Variants in MAST4 observed in about 807,000 individuals in gnomAD.
MAST4 encodes microtubule-associated serine/threonine-protein kinase 4.
MAST4 carries 89 observed loss-of-function variants against 162.7 expected under a neutral mutation model. The observed-to-expected ratio is 0.55, with a 90% CI of 0.46 to 0.65. The LOEUF (loss-of-function observed/expected upper bound fraction) is 0.65. Ranked by LOEUF, MAST4 falls within the 30% of genes least tolerant of loss-of-function variation. The pLI, the probability that MAST4 is intolerant of heterozygous loss-of-function variation, is 0.00. For missense variants in MAST4, 3,153 were observed against 3,374.0 expected, an observed-to-expected ratio of 0.93 and a Z score of 1.62; for synonymous variants, 1,479 against 1,361.1, an observed-to-expected ratio of 1.09 and a Z score of -1.91.
chr5:67,131,817 A>G lies in MAST4; in HGVS notation c.1959A>G (p.Gly653=). The change falls in exon 16 of 29, where the codon GGA becomes GGG. Residue 653 remains glycine (G), a synonymous_variant. Coordinates refer to ENST00000403625, the MANE Select transcript of MAST4 (RefSeq NM_001164664.2). ...ACTCTTTTTCCTGTGTTACAGGGGG[A>G]GACTGTGCTACTTTAATGAAAAACA... is the stretch of plus-strand genomic sequence containing the variant. ...LCMVMEYVEG[G]DCATLMKNMG... 6.2e-7 allele frequency: 1 copy of G among 1,612,536 alleles called. No homozygotes were observed.
At chr5:66,990,498 A>T (rs1336092089) in intron 4 of MAST4, among the ~76,000 whole-genome samples, 1 of 152,106 alleles carries the variant, frequency 6.6e-6, no homozygotes, top group East Asian at 1.9e-4. Flanking sequence ...AATTAATCAG[A>T]TGTGGTGGCA....
intron 3 of MAST4, among the ~76,000 whole-genome samples, chr5:66,868,008 G>C (rs899057476): frequency 3.9e-5 from 6 of 152,182 alleles, no homozygotes; most frequent in African/African-American, 1.4e-4. Context: ...CTTTAGTGTT[G>C]AGTGACATAA....
intron 21 of MAST4, among the ~76,000 whole-genome samples, 181 bp from the exon 22 acceptor site, chr5:67,144,476 ACACACACACACT>A (rs1770805512): frequency 1.3e-5 from 2 of 152,060 alleles, no homozygotes; most frequent in East Asian, 1.9e-4. Flanking sequence ...ACACACACAC[ACACACACACACT>A]CACTCACCCT....
intron 3 of MAST4, among the ~76,000 whole-genome samples, chr5:66,834,214 A>T (rs990714489): frequency 9.2e-5 from 14 of 152,154 alleles, no homozygotes; most frequent in African/African-American, 3.4e-4. Flanking sequence ...AATTGGGAAA[A>T]TTTAAGGGAT....
At chr5:66,804,387 G>A (rs1490074813) in intron 3 of MAST4, among the ~76,000 whole-genome samples, 2 of 152,200 alleles carry the variant, frequency 1.3e-5, no homozygotes, top group Non-Finnish European at 2.9e-5. Flanking sequence ...GGTTGGCGTG[G>A]CTTCCATCCA....
intron 11 of MAST4, among the ~76,000 whole-genome samples, chr5:67,110,775 G>A (rs1356744242): frequency 6.6e-6 from 1 of 152,206 alleles, no homozygotes. Context: ...TGTAACCCCA[G>A]CACTTTGGGA....
In MAST4 at chr5:67,163,630, C is replaced by A. The variant is rs1258168665; in HGVS notation, c.4451C>A (p.Ala1484Glu). The part of the protein sequence containing the change: ...EVQREQSQRE[A>E]PLQSLDENVC... ...CAGCGGGAGCAGTCCCAGCGGGAGG[C>A]GCCGCTGCAGAGCCTGGATGAGAAC... The change falls in exon 29 of 29, where the codon GCG becomes GAG. Residue 1484 changes from alanine to glutamate, a missense_variant. This residue lies in a region of MAST4 where 1,644 missense variants were observed against 1,495.0 expected (regional missense o/e 1.10). Transcript: ENST00000403625. This position sits in a 1 kb window ranked among gnomAD's most constrained non-coding sequence, Gnocchi z 7.0. The A allele has an allele frequency of 6.2e-7, 1 of 1,604,954 alleles. No homozygotes were observed. Among genetic ancestry groups the A allele is most frequent in the Non-Finnish European group, 8.5e-7 (1 of 1,176,392 alleles).
At chr5:66,748,114 A>G (rs2149586323) in intron 1 of MAST4, among the ~76,000 whole-genome samples, 1 of 152,184 alleles carries the variant, frequency 6.6e-6, no homozygotes, top group Non-Finnish European at 1.5e-5. Context: ...TGTTCCCAGG[A>G]TAAAAATAGT....
chr5:66,974,945 A>G (rs1055447206), intron 4 of MAST4, among the ~76,000 whole-genome samples: 1 of 152,180 alleles, frequency 6.6e-6, no homozygotes, highest in African/African-American at 2.4e-5. Context: ...TGGTGGCCCC[A>G]AAGATATCAG....
rs73101943 is a variant in MAST4 at position 66,916,479 on chromosome 5, T to C, written c.674+16497T>C. On this transcript the variant is annotated intron_variant, in intron 4 of 28. Coordinates refer to ENST00000403625, the MANE Select transcript of MAST4 (RefSeq NM_001164664.2). ...CTACCATTTATAAAAGTTAATAACA[T>C]AGTTTTGAAAATTATGAAATTACTA... Among the ~76,000 whole-genome samples the C allele has an allele frequency of 7.4e-3, 1,125 of 152,338 alleles. 18 individuals carry two copies. Among genetic ancestry groups the C allele is most frequent in the African/African-American group, 0.026 (1,073 of 41,576 alleles).
chr5:66,832,054 A>T (rs1757637593), intron 3 of MAST4, among the ~76,000 whole-genome samples: 1 of 152,110 alleles, frequency 6.6e-6, no homozygotes, highest in African/African-American at 2.4e-5. Flanking sequence ...ATAGATCCTA[A>T]GGCTGGAGAA....
intron 1 of MAST4, among the ~76,000 whole-genome samples, chr5:66,651,036 G>C (rs4355471): frequency 0.52 from 78,860 of 151,954 alleles, 20,667 homozygotes; most frequent in South Asian, 0.66. Flanking sequence ...GTGAATTACT[G>C]CTGTTACATA....
At chr5:67,159,258 G>A (rs1185356536) in intron 26 of MAST4, among the ~76,000 whole-genome samples, 1 of 151,984 alleles carries the variant, frequency 6.6e-6, no homozygotes, top group Non-Finnish European at 1.5e-5. Context: ...GTGTACATAT[G>A]TGCCTATTTA....
chr5:66,802,833 T>C (rs374641118), intron 3 of MAST4, among the ~76,000 whole-genome samples: 6 of 152,176 alleles, frequency 3.9e-5, no homozygotes, highest in Admixed American at 3.9e-4. Context: ...AGAGCACTTC[T>C]TCCTGACCCC....
At chr5:66,713,294 G>A (rs757293096) in intron 1 of MAST4, among the ~76,000 whole-genome samples, 2 of 152,196 alleles carry the variant, frequency 1.3e-5, no homozygotes, top group Non-Finnish European at 2.9e-5. Context: ...TACCTTTCCT[G>A]GGTCACACAG....
At chr5:67,110,457 T>C (rs1456603313) in intron 11 of MAST4, among the ~76,000 whole-genome samples, 1 of 152,264 alleles carries the variant, frequency 6.6e-6, no homozygotes, top group Non-Finnish European at 1.5e-5. Flanking sequence ...CATAAAATAA[T>C]GTACTTGACC....
Position 66,596,949 on chromosome 5 carries a change from G to GCCT in MAST4, c.295_296insCTC (p.Pro98dup), listed in dbSNP as rs1165818141. ...GCGGAGTCCTTGCGCTGCCGCCGCC[G>GCCT]CTTCCCGGAGGAGCTGTGCCGCCCG... is the stretch of plus-strand genomic sequence containing the variant. On this transcript the variant is annotated inframe_insertion, in exon 1 of 29. Transcript: ENST00000403625. 2.9e-6 allele frequency: 4 copies of GCCT among 1,401,082 alleles called. No individual in the cohort carries two copies. The highest frequency in any genetic ancestry group is 2.8e-6 in the Non-Finnish European group (3 of 1,081,618). 86.8% of individuals were successfully genotyped at this position (1,401,082 alleles called of 1,614,324 possible). A position where few individuals can be genotyped will look rare whatever the true frequency, so the allele number is the denominator to read the frequency against.
intron 6 of MAST4, among the ~76,000 whole-genome samples, chr5:67,094,594 A>G (rs1015861561): frequency 1.3e-5 from 2 of 152,152 alleles, no homozygotes; most frequent in Non-Finnish European, 1.5e-5. Flanking sequence ...TGCATAGAAC[A>G]TTCAAAATGT....
chr5:67,031,013 C>T (rs997279486), intron 4 of MAST4, among the ~76,000 whole-genome samples: 2 of 152,086 alleles, frequency 1.3e-5, no homozygotes, highest in Non-Finnish European at 2.9e-5. Context: ...CATTAACTGT[C>T]CTGTAAAAAG....
Sources: gnomAD v4.1 joint callset for allele counts (sites outside exome capture counted in the v4.1 genomes callset) on GRCh38, gnomAD v4.1.1 for gene constraint, gnomAD v4.1.1 regional missense constraint, Gnocchi (gnomAD v3.1) non-coding constraint, MANE v1.5 for transcripts, NCBI Gene and HGNC (gene_info 2026-07-23, HGNC 2026-07-21) for gene names.